Variants in MARCHF1 observed in about 807,000 individuals in gnomAD.
The protein encoded by MARCHF1 is membrane associated ring-CH-type finger 1.
A neutral mutation model predicts 54.2 loss-of-function variants in MARCHF1; 40 were observed. The observed-to-expected ratio is 0.74, with a 90% CI of 0.57 to 0.96. The LOEUF (loss-of-function observed/expected upper bound fraction) is 0.96. Ranked by LOEUF, MARCHF1 falls within the 40% of genes least tolerant of loss-of-function variation. MARCHF1 has a pLI of 0.00. For synonymous variants in MARCHF1, 236 were observed against 236.3 expected (o/e 1.00, Z 0.01); for missense variants, 586 against 656.5 (o/e 0.89, Z 1.17).
At chr4:163,847,980 A>T (rs969013829) in intron 4 of MARCHF1, among the ~76,000 whole-genome samples, 9 of 152,264 alleles carry the variant, frequency 5.9e-5, no homozygotes, top group African/African-American at 1.9e-4. Context: ...CTAAATTCTT[A>T]TGATTTGGAG....
chr4:163,525,662 G>A lies in MARCHF1; in HGVS notation c.*3086C>T, dbSNP rs1738077576. ...TACTGAAGATTCATGATTATAAAGA[G>A]CCAAGGTTTTTAACACAACTGTAAT... On this transcript the variant is annotated 3_prime_UTR_variant, in exon 10 of 10. Transcript: ENST00000514618. The A allele has an allele frequency of 6.6e-6, 1 of 151,946 alleles. No individual in the cohort carries two copies. The highest frequency in any genetic ancestry group is 2.4e-5 in the African/African-American group (1 of 41,386). 9.4% of individuals were successfully genotyped at this position (151,946 alleles called of 1,614,324 possible).
At chr4:163,554,401 G>A (rs549441251) in intron 8 of MARCHF1, among the ~76,000 whole-genome samples, 8 of 152,186 alleles carry the variant, frequency 5.3e-5, no homozygotes, top group Non-Finnish European at 1.2e-4. Flanking sequence ...GAAGGTGTTG[G>A]AAAGAACAAT....
intron 7 of MARCHF1, among the ~76,000 whole-genome samples, chr4:163,587,483 G>A (rs1205907625): frequency 2.0e-5 from 3 of 152,140 alleles, no homozygotes; most frequent in South Asian, 2.1e-4. Flanking sequence ...GGATACAGCT[G>A]GAGGCCCTTA....
intron 1 of MARCHF1, among the ~76,000 whole-genome samples, chr4:164,134,888 C>T (rs1756370538): frequency 6.6e-6 from 1 of 151,050 alleles, no homozygotes; most frequent in Non-Finnish European, 1.5e-5. Context: ...AATTGAGCAA[C>T]TATATCTCTA....
intron 2 of MARCHF1, among the ~76,000 whole-genome samples, chr4:164,018,006 C>T (rs756842919): frequency 5.0e-4 from 76 of 151,940 alleles, no homozygotes; most frequent in Non-Finnish European, 9.4e-4. Context: ...CACACATATG[C>T]AGTCAATTGA....
At chr4:164,092,194 C>T (rs1422070064) in intron 2 of MARCHF1, among the ~76,000 whole-genome samples, 1 of 152,070 alleles carries the variant, frequency 6.6e-6, no homozygotes, top group Admixed American at 6.6e-5. Context: ...GGGCACCAGG[C>T]TGTTTACCTT....
rs1372399883 is a variant in MARCHF1, at chr4:163,649,683, T to C, written c.163-36290A>G. Among the ~76,000 whole-genome samples, 4 of 151,978 alleles carry C rather than the reference T, an allele frequency of 2.6e-5. No individual in the cohort carries two copies. In the East Asian group the frequency reaches 7.7e-4, roughly 29 times the overall value. On this transcript the variant is annotated intron_variant, in intron 5 of 9. Coordinates refer to ENST00000514618, the MANE Select transcript of MARCHF1 (RefSeq NM_001394959.1). ...ACACAAAAAAAACCGCATGGGACTTTTTCTCAAATGCAGCTAACTGACCCC... is the reference window on the plus strand; with the variant it reads ...ACACAAAAAAAACCGCATGGGACTTCTTCTCAAATGCAGCTAACTGACCCC...
At position 164,010,717 on chromosome 4, in the gene MARCHF1, A is replaced by G. The variant is rs572252933; in HGVS notation, c.-247-22008T>C. ...CAAAGCAATCTACAGATTAAATGCA[A>G]TCCCCATCAGAATACCAATGTTATC... On this transcript the variant is annotated intron_variant, in intron 2 of 9. Transcript: ENST00000514618. 4.6e-5 allele frequency among the ~76,000 whole-genome samples: 7 copies of G among 152,310 alleles called. No individual in the cohort carries two copies. In the East Asian group the frequency reaches 1.4e-3, roughly 29 times the overall value.
intron 2 of MARCHF1, among the ~76,000 whole-genome samples, chr4:164,102,039 T>C (rs1437126935): frequency 1.1e-5 from 1 of 90,868 alleles, no homozygotes; most frequent in Non-Finnish European, 2.2e-5. Context: ...ATGAATGAAA[T>C]GAAACGAGAA....
At chr4:164,361,590 T>A (rs1730723463) in intron 1 of MARCHF1, among the ~76,000 whole-genome samples, 1 of 152,160 alleles carries the variant, frequency 6.6e-6, no homozygotes, top group Non-Finnish European at 1.5e-5. Context: ...CATGCAACTC[T>A]GAGCTTCGCC....
At chr4:163,904,108 T>C (rs1751003826) in intron 3 of MARCHF1, among the ~76,000 whole-genome samples, 1 of 152,212 alleles carries the variant, frequency 6.6e-6, no homozygotes. Context: ...TAACTGTGAC[T>C]AATAATATTC....
intron 1 of MARCHF1, among the ~76,000 whole-genome samples, chr4:164,258,489 T>C (rs1374651996): frequency 6.6e-6 from 1 of 151,904 alleles, no homozygotes; most frequent in East Asian, 1.9e-4. Flanking sequence ...TGTGGCACCC[T>C]CTTCCTAATT....
intron 8 of MARCHF1, among the ~76,000 whole-genome samples, chr4:163,568,893 T>C (rs1739739076): frequency 6.6e-6 from 1 of 152,106 alleles, no homozygotes; most frequent in Admixed American, 6.5e-5. Context: ...TTGTTCAAGG[T>C]TGCTCAGTGC....
At chr4:163,604,631 G>A (rs575348138) in intron 7 of MARCHF1, among the ~76,000 whole-genome samples, 3 of 152,106 alleles carry the variant, frequency 2.0e-5, no homozygotes, top group South Asian at 2.1e-4. Context: ...TGCTTAAAAC[G>A]CCTGCAGAAA....
At chr4:164,329,338 C>A (rs1735365440) in intron 1 of MARCHF1, among the ~76,000 whole-genome samples, 1 of 151,052 alleles carries the variant, frequency 6.6e-6, no homozygotes, top group Non-Finnish European at 1.5e-5. Flanking sequence ...AGAAAGTAGT[C>A]AATGTGCTCC....
intron 3 of MARCHF1, among the ~76,000 whole-genome samples, chr4:163,958,930 A>G (rs1365585477): frequency 6.6e-6 from 1 of 151,994 alleles, no homozygotes; most frequent in Admixed American, 6.6e-5. Flanking sequence ...GAGGGAACTC[A>G]TCTACCACGG....
chr4:164,146,820 A>G (rs1410116944), intron 1 of MARCHF1, among the ~76,000 whole-genome samples: 1 of 152,004 alleles, frequency 6.6e-6, no homozygotes. Flanking sequence ...AAAATTGACA[A>G]ATGGGATCTA....
chr4:163,760,222 C>T (rs1746790804), intron 4 of MARCHF1, among the ~76,000 whole-genome samples: 1 of 152,206 alleles, frequency 6.6e-6, no homozygotes, highest in African/African-American at 2.4e-5. Flanking sequence ...TTGTGATGCT[C>T]TCTCTGGTTC....
At chr4:164,043,122 T>G (rs76478009) in intron 2 of MARCHF1, among the ~76,000 whole-genome samples, 106 of 152,280 alleles carry the variant, frequency 7.0e-4, no homozygotes, top group Middle Eastern at 3.4e-3. Flanking sequence ...TTCTGGGGTA[T>G]GGAGGATGAT....
Sources: allele counts gnomAD v4.1 joint callset (sites outside exome capture counted in the v4.1 genomes callset), GRCh38; gene constraint gnomAD v4.1.1; transcripts MANE v1.5; gene names NCBI Gene and HGNC (gene_info 2026-07-23, HGNC 2026-07-21).